The following FILIP1L variants were observed in gnomAD, a reference collection of about 807,000 sequenced individuals.
FILIP1L encodes the protein filamin A-interacting protein 1-like.
In FILIP1L, 55 loss-of-function variants were observed where a neutral mutation model predicts 96.6. The observed-to-expected ratio is 0.57, with a 90% CI of 0.46 to 0.71. The LOEUF (loss-of-function observed/expected upper bound fraction) is 0.71, where lower values mean the gene tolerates loss of function less well. FILIP1L is among the 30% of genes least tolerant of loss of function. FILIP1L has a pLI of 0.00. For missense variants in FILIP1L, 1,304 were observed against 1,321.2 expected (o/e 0.99, Z 0.20); for synonymous variants, 467 against 473.9 (o/e 0.99, Z 0.19).
chr3:99,854,684 T>TGG (rs35225638), intron 4 of FILIP1L, among the ~76,000 whole-genome samples: 17 of 151,962 alleles, frequency 1.1e-4, no homozygotes, highest in African/African-American at 3.4e-4. Flanking sequence ...AAATGTCTCC[T>TGG]GGGGGGCAGT....
intron 1 of FILIP1L, among the ~76,000 whole-genome samples, chr3:99,972,630 G>C (rs1708857266): frequency 6.6e-6 from 1 of 152,134 alleles, no homozygotes; most frequent in Non-Finnish European, 1.5e-5. Flanking sequence ...AGCTTTCTGT[G>C]CTTATGAAAT....
chr3:99,873,418 T>G (rs1349952060), intron 4 of FILIP1L, among the ~76,000 whole-genome samples: 1 of 152,202 alleles, frequency 6.6e-6, no homozygotes, highest in Non-Finnish European at 1.5e-5. Context: ...TTGAGACCAA[T>G]ATTGCCTTAC....
chr3:99,957,666 A>C (rs565947158), intron 1 of FILIP1L, among the ~76,000 whole-genome samples: 2 of 78,556 alleles, frequency 2.5e-5, no homozygotes, highest in East Asian at 3.6e-4. Context: ...GTTACTTGGC[A>C]CTTCTCCTTT....
At chr3:99,989,802 A>G (rs972279821) in intron 1 of FILIP1L, among the ~76,000 whole-genome samples, 3 of 152,104 alleles carry the variant, frequency 2.0e-5, no homozygotes, top group Non-Finnish European at 2.9e-5. Context: ...TTTGATAGAA[A>G]GGAAAATGGA....
chr3:99,931,565 C>G (rs567737736), intron 1 of FILIP1L, among the ~76,000 whole-genome samples: 73 of 152,202 alleles, frequency 4.8e-4, no homozygotes, highest in Non-Finnish European at 6.6e-4. Context: ...TACAGAATTA[C>G]TGCATTATTT....
At chr3:100,034,068 G>T (rs1343499984) in intron 1 of FILIP1L, among the ~76,000 whole-genome samples, 1 of 152,144 alleles carries the variant, frequency 6.6e-6, no homozygotes, top group Non-Finnish European at 1.5e-5. Flanking sequence ...TTACATTAGT[G>T]ACCCGTTAAT....
chr3:100,057,601 G>A (rs7647466), intron 1 of FILIP1L, among the ~76,000 whole-genome samples: 10,071 of 152,162 alleles, frequency 0.066, 399 homozygotes, highest in Middle Eastern at 0.085. Context: ...TGTCCCCTTG[G>A]TTATCTGTTA....
chr3:99,862,164 A>G (rs1362413422), intron 4 of FILIP1L, among the ~76,000 whole-genome samples: 1 of 152,250 alleles, frequency 6.6e-6, no homozygotes, highest in East Asian at 1.9e-4. Flanking sequence ...ATATCTAGAT[A>G]TATAAAAACA....
chr3:99,852,781 G>A (rs937609936), intron 4 of FILIP1L, among the ~76,000 whole-genome samples: 3 of 152,132 alleles, frequency 2.0e-5, no homozygotes, highest in East Asian at 1.9e-4. Flanking sequence ...TAGGGTCATC[G>A]TCTTGGAAAT....
intron 5 of FILIP1L, among the ~76,000 whole-genome samples, chr3:99,837,196 C>G (rs1942935396): frequency 6.6e-6 from 1 of 152,142 alleles, no homozygotes; most frequent in Non-Finnish European, 1.5e-5. Flanking sequence ...AGCTGTTCTT[C>G]TCAGCATGAT....
chr3:99,983,931 G>A (rs999324198), intron 1 of FILIP1L, among the ~76,000 whole-genome samples: 3 of 152,066 alleles, frequency 2.0e-5, no homozygotes, highest in African/African-American at 7.2e-5. Flanking sequence ...GCCAAGAGAG[G>A]AAAATGTCCT....
At chr3:99,902,031 T>G (rs1706454535) in intron 4 of FILIP1L, among the ~76,000 whole-genome samples, 1 of 152,180 alleles carries the variant, frequency 6.6e-6, no homozygotes, top group South Asian at 2.1e-4. Flanking sequence ...TATGAGGTCT[T>G]ACAAGAATCA....
At chr3:100,010,956 GT>G (rs971692316) in intron 1 of FILIP1L, among the ~76,000 whole-genome samples, 2 of 151,738 alleles carry the variant, frequency 1.3e-5, no homozygotes, top group Non-Finnish European at 2.9e-5. Flanking sequence ...CATAGTTTAA[GT>G]CTACAAATAA....
chr3:100,033,101 T>C (rs1305047291), intron 1 of FILIP1L, among the ~76,000 whole-genome samples: 1 of 152,178 alleles, frequency 6.6e-6, no homozygotes, highest in Non-Finnish European at 1.5e-5. Context: ...TCTTCAACTA[T>C]ATTGCTGGAT....
intron 1 of FILIP1L, among the ~76,000 whole-genome samples, chr3:100,008,282 A>G (rs953019721): frequency 6.6e-6 from 1 of 152,174 alleles, no homozygotes; most frequent in African/African-American, 2.4e-5. Flanking sequence ...CAGCAATAGC[A>G]TAGACTTGAA....
At chr3:99,988,339 TCCAAAAAAA>T (rs1166245080) in intron 1 of FILIP1L, among the ~76,000 whole-genome samples, 9 of 28,350 alleles carry the variant, frequency 3.2e-4, no homozygotes, top group African/African-American at 5.0e-4. Context: ...CTACTAAAAA[TCCAAAAAAA>T]AAAAAAAAAA....
chr3:100,067,396 A>G (rs754647346), intron 1 of FILIP1L, among the ~76,000 whole-genome samples: 3 of 152,194 alleles, frequency 2.0e-5, no homozygotes, highest in African/African-American at 2.4e-5. Flanking sequence ...AAGGTTGTAT[A>G]TATAAGAAAG....
At chr3:100,012,930 A>G (rs540646981) in intron 1 of FILIP1L, among the ~76,000 whole-genome samples, 1 of 151,384 alleles carries the variant, frequency 6.6e-6, no homozygotes, top group Non-Finnish European at 1.5e-5. Context: ...GTGCCACCAC[A>G]CCCAACCAAT....
chr3:100,022,673 T>C (rs1207827576), intron 1 of FILIP1L, among the ~76,000 whole-genome samples: 2 of 152,362 alleles, frequency 1.3e-5, no homozygotes, highest in South Asian at 2.1e-4. Context: ...CCATTCTGCC[T>C]GACTCAGCTG....
Sources: gnomAD v4.1 joint callset for allele counts (sites outside exome capture counted in the v4.1 genomes callset) on GRCh38, gnomAD v4.1.1 for gene constraint, MANE v1.5 for transcripts, NCBI Gene and HGNC (gene_info 2026-07-23, HGNC 2026-07-21) for gene names.